The following MGST2 variants were observed in gnomAD, a reference collection of about 807,000 sequenced individuals.
The protein encoded by MGST2 is glutathione peroxidase MGST2.
In MGST2, 9 loss-of-function variants were observed where a neutral mutation model predicts 16.6. That is an observed-to-expected ratio of 0.54 (90% CI 0.33 to 0.95). The LOEUF is 0.95. Ranked by LOEUF, MGST2 falls within the 40% of genes least tolerant of loss-of-function variation. MGST2 has a pLI of 0.03. For synonymous variants in MGST2, 79 were observed against 68.0 expected (o/e 1.16, Z -0.79); for missense variants, 159 against 175.1 (o/e 0.91, Z 0.52).
downstream of MGST2, among the ~76,000 whole-genome samples, chr4:139,743,090 A>C (rs1729215469): frequency 6.6e-6 from 1 of 152,168 alleles, no homozygotes; most frequent in Admixed American, 6.5e-5. Context: ...AGTTGACTTC[A>C]TACCCACCTT....
At position 139,735,536 on chromosome 4, in the gene MGST2, C is replaced by T. The variant is rs1212675815; in HGVS notation, c.*49-4676C>T. The stretch of plus-strand genomic sequence containing the variant: ...CCCGGGAGGGACCGGGTTCCAGGAC[C>T]CCAGCTGCACAAAGCCGGCCCGGGG... On this transcript the variant is annotated intron_variant, in intron 5 of 5. Coordinates refer to the MGST2 transcript ENST00000616265. This position sits in a 1 kb window ranked among gnomAD's most constrained non-coding sequence, Gnocchi z 5.8. Among the ~76,000 whole-genome samples the T allele has an allele frequency of 6.6e-6, 1 of 152,080 alleles. No individual in the cohort carries two copies. Among genetic ancestry groups the T allele is most frequent in the Non-Finnish European group, 1.5e-5 (1 of 68,010 alleles).
intron 5 of MGST2, among the ~76,000 whole-genome samples, chr4:139,737,255 T>C (rs557982590): frequency 6.6e-6 from 1 of 152,300 alleles, no homozygotes; most frequent in South Asian, 2.1e-4. Context: ...ATGGGGCACC[T>C]ACTCATTGCA....
At chr4:139,725,360 T>C (rs1227169538) in intron 5 of MGST2, among the ~76,000 whole-genome samples, 1 of 152,204 alleles carries the variant, frequency 6.6e-6, no homozygotes, top group Non-Finnish European at 1.5e-5. Flanking sequence ...TTTGCCCCTG[T>C]AGTCACTAAG....
chr4:139,682,242 TAAAAAA>T (rs10711495), intron 2 of MGST2, among the ~76,000 whole-genome samples: 1 of 144,684 alleles, frequency 6.9e-6, no homozygotes, highest in Non-Finnish European at 1.5e-5. Context: ...TAATTGGTGC[TAAAAAA>T]AAAAAAAACA....
intron 5 of MGST2, chr4:139,720,293 C>A: frequency 6.4e-7 from 1 of 1,554,294 alleles, no homozygotes; most frequent in South Asian, 1.2e-5. Context: ...GGCTGCTTGG[C>A]TTCTTACGGC....
At chr4:139,716,736 A>G (rs1289715286) in intron 5 of MGST2, 2 of 152,512 alleles carry the variant, frequency 1.3e-5, no homozygotes, top group African/African-American at 4.8e-5. Context: ...GGATCTTAAA[A>G]TAAACTATAC....
chr4:139,699,205 G>A (rs756201387), intron 3 of MGST2, among the ~76,000 whole-genome samples: 12 of 152,196 alleles, frequency 7.9e-5, no homozygotes, highest in Non-Finnish European at 1.6e-4. Flanking sequence ...ACAGGAGGTG[G>A]CTACAAAATA....
At chr4:139,752,251 G>T in the MGST2 span, among the ~76,000 whole-genome samples, 1 of 152,220 alleles carries the variant, frequency 6.6e-6, no homozygotes, top group Non-Finnish European at 1.5e-5. Flanking sequence ...GAACTATGGT[G>T]TGCCATCAGT....
chr4:139,706,634 A>G (rs1727529401), downstream of MGST2, among the ~76,000 whole-genome samples: 1 of 152,146 alleles, frequency 6.6e-6, no homozygotes. Context: ...TTTTTAAGCA[A>G]TTTCTGTTTT....
At chr4:139,695,760 GA>G (rs1440135734) in intron 3 of MGST2, among the ~76,000 whole-genome samples, 9 of 152,186 alleles carry the variant, frequency 5.9e-5, no homozygotes, top group Non-Finnish European at 7.4e-5. Context: ...ATTCAATAAT[GA>G]AAAAAATATT....
At chr4:139,750,178 T>G in the MGST2 span, among the ~76,000 whole-genome samples, 1 of 152,016 alleles carries the variant, frequency 6.6e-6, no homozygotes, top group Non-Finnish European at 1.5e-5. Flanking sequence ...CAATGCTAAG[T>G]GAAGAGAAAG....
chr4:139,680,343 T>C (rs776073604), intron 2 of MGST2, among the ~76,000 whole-genome samples: 1 of 152,236 alleles, frequency 6.6e-6, no homozygotes, highest in Non-Finnish European at 1.5e-5. Context: ...TGCTCTTTAT[T>C]TCTTTGTTTG....
intron 5 of MGST2, chr4:139,730,239 A>G: frequency 1.6e-6 from 1 of 631,658 alleles, no homozygotes; most frequent in South Asian, 2.0e-5. Context: ...CATTATAGGA[A>G]AAACCCTAAC....
intron 1 of MGST2, among the ~76,000 whole-genome samples, chr4:139,666,973 C>T (rs1462094564): frequency 2.0e-5 from 3 of 152,154 alleles, no homozygotes; most frequent in Non-Finnish European, 2.9e-5. Flanking sequence ...TTCAGACTCA[C>T]GTTTTGTGGT....
At chr4:139,695,975 T>G (rs1243253710) in intron 3 of MGST2, among the ~76,000 whole-genome samples, 1 of 152,266 alleles carries the variant, frequency 6.6e-6, no homozygotes, top group Non-Finnish European at 1.5e-5. Flanking sequence ...CCTTACTGAG[T>G]ACAGTCTACT....
chr4:139,720,392 G>A (rs1023711288), intron 5 of MGST2: 1 of 1,402,754 alleles, frequency 7.1e-7, no homozygotes, highest in Non-Finnish European at 9.4e-7. Flanking sequence ...CAAGATGTTG[G>A]AATTTTCTTT....
chr4:139,713,346 C>T (rs1047072120), intron 5 of MGST2, among the ~76,000 whole-genome samples: 3 of 151,394 alleles, frequency 2.0e-5, no homozygotes, highest in Non-Finnish European at 4.4e-5. Context: ...TTTCCCAAAA[C>T]GGAGTCTGTG....
At chr4:139,682,393 G>T (rs945036440) in intron 2 of MGST2, among the ~76,000 whole-genome samples, 1 of 152,140 alleles carries the variant, frequency 6.6e-6, no homozygotes, top group Non-Finnish European at 1.5e-5. Context: ...TGTAGAGAAA[G>T]AGCTCTTGGG....
intron 5 of MGST2, chr4:139,717,713 T>G (rs1728042638): frequency 6.6e-6 from 1 of 152,282 alleles, no homozygotes; most frequent in South Asian, 2.1e-4. Flanking sequence ...TCCGTAGTGA[T>G]CTGCCTGGGA....
Sources: gnomAD v4.1 joint callset for allele counts (sites outside exome capture counted in the v4.1 genomes callset) on GRCh38, gnomAD v4.1.1 for gene constraint, Gnocchi (gnomAD v3.1) non-coding constraint, MANE v1.5 for transcripts, NCBI Gene and HGNC (gene_info 2026-07-23, HGNC 2026-07-21) for gene names.